The following SRGAP3 variants were observed in gnomAD, a reference collection of about 807,000 sequenced individuals.
The protein encoded by SRGAP3 is SLIT-ROBO Rho GTPase activating protein 3.
SRGAP3 carries 39 observed loss-of-function variants against 121.1 expected under a neutral mutation model. That is an observed-to-expected ratio of 0.32 (90% confidence interval 0.25 to 0.42). The LOEUF (loss-of-function observed/expected upper bound fraction) is 0.42, where lower values mean the gene tolerates loss of function less well. SRGAP3 is among the 10% of genes least tolerant of loss of function. SRGAP3 has a pLI of 1.00. For synonymous variants in SRGAP3, 601 were observed against 570.0 expected (o/e 1.05, Z -0.77); for missense variants, 1,213 against 1,470.6 (o/e 0.82, Z 2.86).
chr3:9,245,028 CT>C (rs1953771397), intron 1 of SRGAP3, among the ~76,000 whole-genome samples: 1 of 152,186 alleles, frequency 6.6e-6, no homozygotes. Context: ...TAGTTGTTTT[CT>C]GTCTTTGGCC....
At chr3:9,136,818 C>T (rs888332993) in intron 1 of SRGAP3, among the ~76,000 whole-genome samples, 1 of 152,194 alleles carries the variant, frequency 6.6e-6, no homozygotes, top group African/African-American at 2.4e-5. Flanking sequence ...ACGGTTCCTG[C>T]GGAGTCTGCC....
At chr3:9,078,016 T>C (rs1267313648) in intron 4 of SRGAP3, among the ~76,000 whole-genome samples, 1 of 152,080 alleles carries the variant, frequency 6.6e-6, no homozygotes, top group Non-Finnish European at 1.5e-5. Context: ...ATATAGACAA[T>C]AAAGATACAA....
chr3:9,173,133 C>T (rs76153987), intron 1 of SRGAP3, among the ~76,000 whole-genome samples: 5,467 of 152,256 alleles, frequency 0.036, 134 homozygotes, highest in Non-Finnish European at 0.057. Flanking sequence ...CACATCTGGC[C>T]CAGCTCTGAG....
intron 1 of SRGAP3, among the ~76,000 whole-genome samples, chr3:9,247,031 C>T (rs1275816208): frequency 6.6e-6 from 1 of 152,180 alleles, no homozygotes; most frequent in African/African-American, 2.4e-5. Flanking sequence ...CCAGTAGTAG[C>T]AATCCTTCCA....
At chr3:9,194,215 C>CA (rs1278244893) in intron 1 of SRGAP3, 1 of 152,210 alleles carries the variant, frequency 6.6e-6, no homozygotes, top group East Asian at 1.9e-4. Context: ...AATCCTTTTC[C>CA]AATAGGGTAA....
chr3:9,266,766 A>G (rs968239527), intron 3 of SRGAP3, among the ~76,000 whole-genome samples: 3 of 152,140 alleles, frequency 2.0e-5, no homozygotes, highest in African/African-American at 7.2e-5. Flanking sequence ...TTTGGAGGCA[A>G]TACCCCCTGT....
rs113023518 is a variant in SRGAP3, at chr3:9,012,717, GA to G, written c.2147+590del. 2.6e-5 allele frequency among the ~76,000 whole-genome samples: 4 copies of G among 152,346 alleles called. 1 individual carries two copies. The highest frequency in any genetic ancestry group is 9.6e-5 in the African/African-American group (4 of 41,584). On this transcript the variant is annotated intron_variant, in intron 17 of 21. Coordinates refer to ENST00000383836, the MANE Select transcript of SRGAP3 (RefSeq NM_014850.4). ...GACTAGTCACTCCCCTGCTTCCTGA[GA>G]TGGGCTTGTGACTCACATGGCCAGT...
Position 9,022,858 on chromosome 3 carries a change from T to G in SRGAP3, c.1678+2403A>C, listed in dbSNP as rs1639374593. 1.3e-5 allele frequency among the ~76,000 whole-genome samples: 2 copies of G among 152,238 alleles called. 1 individual carries two copies. The highest frequency in any genetic ancestry group is 4.1e-4 in the South Asian group (2 of 4,830). The stretch of plus-strand genomic sequence containing the variant: ...GAGGAAAAGAAAAAGGAAAAAATAT[T>G]TTTTGCAGCTGAGATTTAGTTCAGA... On this transcript the variant is annotated intron_variant, in intron 14 of 21. Transcript: ENST00000383836.
intron 1 of SRGAP3, among the ~76,000 whole-genome samples, chr3:9,128,274 T>C (rs180785037): frequency 7.2e-5 from 11 of 152,356 alleles, no homozygotes; most frequent in Admixed American, 7.2e-4. Context: ...GTTATTTTGA[T>C]AAATTGTGTA....
intron 20 of SRGAP3, among the ~76,000 whole-genome samples, chr3:8,991,935 G>A (rs1258793867): frequency 6.6e-6 from 1 of 152,172 alleles, no homozygotes; most frequent in Non-Finnish European, 1.5e-5. Context: ...CAAGGGAGAG[G>A]AAAAGAGAGG....
intron 3 of SRGAP3, among the ~76,000 whole-genome samples, chr3:9,089,728 ATGT>A (rs1484820393): frequency 2.0e-5 from 3 of 152,280 alleles, no homozygotes; most frequent in South Asian, 2.1e-4. Flanking sequence ...AGAAGATGAG[ATGT>A]TGGTGGAACA....
intron 1 of SRGAP3, among the ~76,000 whole-genome samples, chr3:9,202,410 G>A (rs73019397): frequency 0.038 from 5,863 of 152,294 alleles, 140 homozygotes; most frequent in Non-Finnish European, 0.046. Context: ...TTTCCATGAA[G>A]CTAAGCCTTC....
intron 2 of SRGAP3, among the ~76,000 whole-genome samples, chr3:9,115,918 C>G (rs1948787443): frequency 6.6e-6 from 1 of 152,128 alleles, no homozygotes; most frequent in Admixed American, 6.6e-5. Flanking sequence ...ACAGTATATT[C>G]AATCTTGAGG....
chr3:9,055,296 G>A (rs1311827233), intron 8 of SRGAP3, among the ~76,000 whole-genome samples: 1 of 152,188 alleles, frequency 6.6e-6, no homozygotes, highest in South Asian at 2.1e-4. Flanking sequence ...GAGATTTGAA[G>A]ATCAAGACTG....
chr3:9,308,249 G>A (rs1453131592), intron 3 of SRGAP3, among the ~76,000 whole-genome samples: 1 of 152,170 alleles, frequency 6.6e-6, no homozygotes, highest in South Asian at 2.1e-4. Context: ...CATCAACAGT[G>A]GTACCCTCTG....
chr3:9,032,137 G>A (rs1222864273), intron 12 of SRGAP3, among the ~76,000 whole-genome samples: 3 of 152,146 alleles, frequency 2.0e-5, no homozygotes, highest in Non-Finnish European at 2.9e-5. Flanking sequence ...AAAACTAGGT[G>A]GGAGGATTTT....
intron 1 of SRGAP3, among the ~76,000 whole-genome samples, chr3:9,164,383 G>GGGTTCAAGCGATTCTT (rs1227669689): frequency 6.6e-6 from 1 of 151,242 alleles, no homozygotes; most frequent in Non-Finnish European, 1.5e-5. Context: ...TCCACCTCCT[G>GGGTTCAAGCGATTCTT]GGTTCAAGCG....
chr3:9,350,655 T>G (rs1372665697), intron 1 of SRGAP3, among the ~76,000 whole-genome samples: 1 of 152,238 alleles, frequency 6.6e-6, no homozygotes, highest in Non-Finnish European at 1.5e-5. Flanking sequence ...CTGAATAGAC[T>G]TTCTGAATAG....
chr3:9,132,919 C>T (rs1368828930), intron 1 of SRGAP3, among the ~76,000 whole-genome samples: 1 of 151,576 alleles, frequency 6.6e-6, no homozygotes, highest in Non-Finnish European at 1.5e-5. Flanking sequence ...CCACCTCTAT[C>T]AACCACCTAG....
Sources: allele counts gnomAD v4.1 joint callset (sites outside exome capture counted in the v4.1 genomes callset), GRCh38; gene constraint gnomAD v4.1.1; transcripts MANE v1.5; gene names NCBI Gene and HGNC (gene_info 2026-07-23, HGNC 2026-07-21).